The following MDGA2 variants were observed in gnomAD, a reference collection of about 807,000 sequenced individuals.
The protein encoded by MDGA2 is MAM domain containing glycosylphosphatidylinositol anchor 2.
Under a neutral mutation model 117.8 loss-of-function variants are expected in MDGA2, and 40 were observed. The observed-to-expected ratio is 0.34, with a 90% confidence interval of 0.26 to 0.44. The LOEUF is 0.44. Among genes scored for constraint, MDGA2 ranks in the 20% least tolerant of loss-of-function variants. The pLI is 1.00. For missense variants in MDGA2, 1,123 were observed against 1,250.6 expected, an observed-to-expected ratio of 0.90 and a Z score of 1.54; for synonymous variants, 452 against 439.0, an observed-to-expected ratio of 1.03 and a Z score of -0.37.
chr14:46,990,034 A>C (rs1887024557), intron 8 of MDGA2, among the ~76,000 whole-genome samples: 1 of 152,104 alleles, frequency 6.6e-6, no homozygotes, highest in Non-Finnish European at 1.5e-5. Flanking sequence ...TCTTCTATAT[A>C]ATACAATGTT....
intron 1 of MDGA2, among the ~76,000 whole-genome samples, chr14:47,358,716 C>T (rs1466592946): frequency 6.6e-6 from 1 of 152,088 alleles, no homozygotes; most frequent in African/African-American, 2.4e-5. Context: ...TTTATGACAG[C>T]ATTAGAAATA....
At chr14:47,489,090 A>G (rs937145352) in intron 1 of MDGA2, among the ~76,000 whole-genome samples, 1 of 151,736 alleles carries the variant, frequency 6.6e-6, no homozygotes, top group African/African-American at 2.4e-5. Flanking sequence ...AGGTTTTTCT[A>G]AAAAAAAGAT....
At chr14:47,661,964 T>C (rs1028841773) in intron 1 of MDGA2, among the ~76,000 whole-genome samples, 2 of 152,096 alleles carry the variant, frequency 1.3e-5, no homozygotes, top group African/African-American at 4.8e-5. Flanking sequence ...CTCGAGCTCC[T>C]GACTTCAGGT....
intron 9 of MDGA2, among the ~76,000 whole-genome samples, chr14:46,952,643 T>C (rs1885409803): frequency 6.6e-6 from 1 of 151,958 alleles, no homozygotes; most frequent in African/African-American, 2.4e-5. Context: ...GAATAATGAT[T>C]AACATAACCC....
At chr14:47,633,999 C>A (rs1897281984) in intron 1 of MDGA2, among the ~76,000 whole-genome samples, 1 of 151,960 alleles carries the variant, frequency 6.6e-6, no homozygotes, top group Non-Finnish European at 1.5e-5. Context: ...GAAGTACAGA[C>A]CAAAGTGTAT....
intron 10 of MDGA2, among the ~76,000 whole-genome samples, chr14:46,905,009 T>G (rs1883434019): frequency 6.6e-6 from 1 of 152,172 alleles, no homozygotes; most frequent in South Asian, 2.1e-4. Flanking sequence ...TCACATTCTA[T>G]TAAAACAGAA....
chr14:47,157,323 A>G (rs879920667), intron 3 of MDGA2, among the ~76,000 whole-genome samples: 2 of 152,132 alleles, frequency 1.3e-5, no homozygotes. Context: ...CTAATGTGAA[A>G]TTTTGCTTTT....
At chr14:47,574,940 A>G (rs1896088911) in intron 1 of MDGA2, among the ~76,000 whole-genome samples, 1 of 152,098 alleles carries the variant, frequency 6.6e-6, no homozygotes, top group Non-Finnish European at 1.5e-5. Context: ...CACACCCTCT[A>G]TCTTCTATCA....
chr14:47,091,678 C>T (rs6572403), intron 6 of MDGA2, among the ~76,000 whole-genome samples: 148,353 of 152,166 alleles, frequency 0.97, 72,339 homozygotes, highest in East Asian at 1. Context: ...TCTGAGTGCA[C>T]AGTAAGAATT....
At chr14:47,603,495 G>C (rs184700851) in intron 1 of MDGA2, among the ~76,000 whole-genome samples, 1 of 152,096 alleles carries the variant, frequency 6.6e-6, no homozygotes, top group Non-Finnish European at 1.5e-5. Flanking sequence ...TCATTCCACC[G>C]AACTAACAAG....
chr14:46,932,124 T>C (rs1884603537), intron 9 of MDGA2, among the ~76,000 whole-genome samples: 1 of 152,092 alleles, frequency 6.6e-6, no homozygotes, highest in Non-Finnish European at 1.5e-5. Context: ...GATATACAGT[T>C]CATTTCCTTT....
At chr14:46,897,684 A>G (rs1595029592) in intron 10 of MDGA2, among the ~76,000 whole-genome samples, 1 of 78,460 alleles carries the variant, frequency 1.3e-5, no homozygotes, top group African/African-American at 3.7e-5. Flanking sequence ...TAGCTAATGC[A>G]ATAATAACAT....
chr14:47,098,435 T>G (rs1313778872), intron 5 of MDGA2, among the ~76,000 whole-genome samples: 2 of 151,792 alleles, frequency 1.3e-5, no homozygotes, highest in East Asian at 3.9e-4. Context: ...TATTAGCCCT[T>G]CTGAGGAGTT....
intron 1 of MDGA2, among the ~76,000 whole-genome samples, chr14:47,468,433 A>T (rs946816772): frequency 1.3e-5 from 2 of 152,150 alleles, no homozygotes; most frequent in Non-Finnish European, 2.9e-5. Context: ...TGTGCTATAA[A>T]ATTCTTAATC....
chr14:47,040,467 A>G (rs189622645), intron 7 of MDGA2, among the ~76,000 whole-genome samples: 132 of 152,316 alleles, frequency 8.7e-4, no homozygotes, highest in Non-Finnish European at 2.9e-4. Context: ...ATTCAATGAA[A>G]ACTTCACATT....
chr14:47,147,549 G>A (rs562966162), intron 3 of MDGA2, among the ~76,000 whole-genome samples: 13 of 152,226 alleles, frequency 8.5e-5, no homozygotes, highest in South Asian at 2.1e-4. Context: ...GCTACTCCTC[G>A]CTAGGAGACA....
At chr14:47,375,079 G>GT (rs772265097) in intron 1 of MDGA2, among the ~76,000 whole-genome samples, 103 of 149,360 alleles carry the variant, frequency 6.9e-4, no homozygotes, top group African/African-American at 8.1e-4. Context: ...TTCAAAACCT[G>GT]TTTTTTTTAA....
At chr14:47,664,626 T>C (rs1057365491) in intron 1 of MDGA2, among the ~76,000 whole-genome samples, 2 of 152,198 alleles carry the variant, frequency 1.3e-5, no homozygotes, top group African/African-American at 4.8e-5. Flanking sequence ...CCCAACAGTT[T>C]TCAACTACAT....
At chr14:47,516,345 C>A (rs1263593609) in intron 1 of MDGA2, among the ~76,000 whole-genome samples, 1 of 152,168 alleles carries the variant, frequency 6.6e-6, no homozygotes, top group Admixed American at 6.6e-5. Context: ...ACCTTCTCAG[C>A]ATGTAATCCC....
Sources: allele counts gnomAD v4.1 joint callset (sites outside exome capture counted in the v4.1 genomes callset), GRCh38; gene constraint gnomAD v4.1.1; transcripts MANE v1.5; gene names NCBI Gene and HGNC (gene_info 2026-07-23, HGNC 2026-07-21).